Variants in PHACTR4 observed in about 807,000 individuals in gnomAD.
PHACTR4 encodes the protein phosphatase and actin regulator 4.
In PHACTR4, 51 loss-of-function variants were observed where a neutral mutation model predicts 72.7. That is an observed-to-expected ratio of 0.70 (90% CI 0.56 to 0.89). The LOEUF (loss-of-function observed/expected upper bound fraction) is 0.89. Ranked by LOEUF, PHACTR4 falls within the 40% of genes least tolerant of loss-of-function variation. The probability of loss-of-function intolerance (pLI) is 0.00; values close to 1 mark genes in which losing one functional copy is unlikely to be tolerated. For missense variants in PHACTR4, 731 were observed against 861.8 expected (o/e 0.85, Z 1.90); for synonymous variants, 255 against 302.5 (o/e 0.84, Z 1.63).
At chr1:28,396,540 A>G (rs1653515268) in intron 1 of PHACTR4, among the ~76,000 whole-genome samples, 2 of 152,036 alleles carry the variant, frequency 1.3e-5, no homozygotes, top group Admixed American at 1.3e-4. Flanking sequence ...CAAAAAAAAA[A>G]GAAGATAATA....
intron 1 of PHACTR4, among the ~76,000 whole-genome samples, chr1:28,371,139 G>A (rs934483427): frequency 1.3e-5 from 2 of 152,126 alleles, no homozygotes; most frequent in Non-Finnish European, 2.9e-5. Flanking sequence ...AGAGACAAGA[G>A]TCTAGCTTGG....
chr1:28,371,762 A>G (rs1334202526), intron 1 of PHACTR4, among the ~76,000 whole-genome samples: 1 of 151,938 alleles, frequency 6.6e-6, no homozygotes, highest in Non-Finnish European at 1.5e-5. Context: ...GCTAATTAAA[A>G]AAATTTTTAA....
chr1:28,481,830 A>G (rs920687684), intron 9 of PHACTR4, among the ~76,000 whole-genome samples: 9 of 151,812 alleles, frequency 5.9e-5, no homozygotes, highest in African/African-American at 1.9e-4. Context: ...AAAAATATAT[A>G]TTGGACACAG....
chr1:28,382,756 T>TGG (rs1297975088), intron 1 of PHACTR4, among the ~76,000 whole-genome samples: 1 of 152,086 alleles, frequency 6.6e-6, no homozygotes, highest in East Asian at 1.9e-4. Flanking sequence ...TTTTCAATCT[T>TGG]CTGCATACTA....
In PHACTR4 at chr1:28,491,718, G is replaced by A; in HGVS notation, c.1947G>A (p.Glu649=). 1.2e-6 allele frequency: 2 copies of A among 1,614,140 alleles called. No individual in the cohort carries two copies. The highest frequency in any genetic ancestry group is 2.2e-5 in the East Asian group (1 of 44,884). The change falls in exon 12 of 14, where the codon GAG becomes GAA. Residue 649 remains glutamate, a synonymous_variant. Transcript: ENST00000373839. ...TTCTGAGGTTTAATGAATATGTAGA[G>A]GTAACAGATGCTCAAGATTATGACC... The part of the protein sequence containing the change: ...RKILRFNEYV[E]VTDAQDYDRR...
At chr1:28,404,275 CCTTTT>C (rs1430743952) in intron 1 of PHACTR4, among the ~76,000 whole-genome samples, 4 of 123,016 alleles carry the variant, frequency 3.3e-5, no homozygotes, top group African/African-American at 1.3e-4. Context: ...GTATGAACAT[CCTTTT>C]TTTTTTTTTT....
At chr1:28,492,580 G>A (rs1661102464) in intron 12 of PHACTR4, among the ~76,000 whole-genome samples, 2 of 152,100 alleles carry the variant, frequency 1.3e-5, no homozygotes, top group Admixed American at 6.6e-5. Context: ...TGGCCAACAT[G>A]GTGAAACCCT....
intron 12 of PHACTR4, 45 bp downstream of exon 12, chr1:28,491,832 CTCTT>C: frequency 6.3e-7 from 1 of 1,590,128 alleles, no homozygotes. Context: ...TTCTCTTTTT[CTCTT>C]TATTTGGAGG....
At chr1:28,490,926 C>G (rs1326340133) in intron 10 of PHACTR4, 25 bp from the exon 11 acceptor site, 1 of 1,604,450 alleles carries the variant, frequency 6.2e-7, no homozygotes. Flanking sequence ...GAGTAATATT[C>G]CTTCCTTCTG....
rs959341041 is a variant in PHACTR4 at position 28,403,868 on chromosome 1, T to C, written c.-38-3542T>C. Reference sequence around the variant, plus strand: ...TTTGTGATTAGCCTTTCATTTAGTGTGTTTTAAACGTTTATCCATGTTACA... The same window carrying C: ...TTTGTGATTAGCCTTTCATTTAGTGCGTTTTAAACGTTTATCCATGTTACA... On this transcript the variant is annotated intron_variant, in intron 1 of 13. Transcript: ENST00000373839. 2.2e-4 allele frequency among the ~76,000 whole-genome samples: 34 copies of C among 152,328 alleles called. 1 individual carries two copies. Among genetic ancestry groups the C allele is most frequent in the African/African-American group, 7.2e-4 (30 of 41,560 alleles).
intron 6 of PHACTR4, among the ~76,000 whole-genome samples, chr1:28,469,109 C>A (rs186709639): frequency 6.6e-6 from 1 of 152,168 alleles, no homozygotes; most frequent in Non-Finnish European, 1.5e-5. Context: ...AAAGGACTCT[C>A]TTTTATTCTA....
chr1:28,478,401 A>G (rs971852855), intron 8 of PHACTR4, among the ~76,000 whole-genome samples: 1 of 151,984 alleles, frequency 6.6e-6, no homozygotes. Context: ...TTGGATATGT[A>G]CCCAACAGTG....
At chr1:28,388,767 T>C (rs1652774677) in intron 1 of PHACTR4, among the ~76,000 whole-genome samples, 1 of 152,098 alleles carries the variant, frequency 6.6e-6, no homozygotes, top group Non-Finnish European at 1.5e-5. Context: ...GGAGAATCGC[T>C]TGAACCCAGG....
chr1:28,446,372 G>C (rs1031993714), intron 2 of PHACTR4, among the ~76,000 whole-genome samples: 2 of 152,210 alleles, frequency 1.3e-5, no homozygotes, highest in Non-Finnish European at 2.9e-5. Flanking sequence ...AATCCCCAGT[G>C]TTGGAAGTGG....
At chr1:28,378,280 TC>T (rs1443673455) in intron 1 of PHACTR4, among the ~76,000 whole-genome samples, 2 of 142,696 alleles carry the variant, frequency 1.4e-5, no homozygotes, top group African/African-American at 5.3e-5. Context: ...GGCGGGTGGA[TC>T]ACCTGAGGTC....
rs911348676 is a variant in PHACTR4, at chr1:28,497,546, A to G, written c.*997A>G. On this transcript the variant is annotated 3_prime_UTR_variant, in exon 14 of 14. Coordinates refer to ENST00000373839, the MANE Select transcript of PHACTR4 (RefSeq NM_001048183.3). Reference sequence around the variant, plus strand: ...CTCTGTCTTAAAAAAAAAAAAAAAAAAAAAATCGGTTAGATGAGAAAGCAT... The same window carrying G: ...CTCTGTCTTAAAAAAAAAAAAAAAAGAAAAATCGGTTAGATGAGAAAGCAT... 8 of 151,514 alleles carry G rather than the reference A, an allele frequency of 5.3e-5. No individual in the cohort carries two copies. The highest frequency in any genetic ancestry group is 1.9e-4 in the African/African-American group (8 of 41,244). The allele number at this position is 151,514 out of a possible 1,614,324, so 9.4% of individuals were successfully genotyped here.
rs1396582930 is a variant in PHACTR4, at chr1:28,375,040, T to C, written c.-39+5215T>C. On this transcript the variant is annotated intron_variant, in intron 1 of 13. Transcript: ENST00000373839. Reference sequence around the variant, plus strand: ...GAGGCCCAGCACGGTGGCTCACGCCTGTAATCCCAGCACTCTGGGAGGCCA... The same window carrying C: ...GAGGCCCAGCACGGTGGCTCACGCCCGTAATCCCAGCACTCTGGGAGGCCA... 2.0e-5 allele frequency among the ~76,000 whole-genome samples: 3 copies of C among 152,246 alleles called. No homozygotes were observed. In the East Asian group the frequency reaches 5.8e-4, roughly 29 times the overall value.
At position 28,436,310 on chromosome 1, in the gene PHACTR4, G is replaced by A. The variant is rs545144580; in HGVS notation, c.17-22775G>A. ...TAGAGACAGGGCTCACTGTGTTGCC[G>A]AGGCTGGACTCAAACTCTTGGTGTC... On this transcript the variant is annotated intron_variant, in intron 2 of 13. Coordinates refer to ENST00000373839, the MANE Select transcript of PHACTR4 (RefSeq NM_001048183.3). 8.6e-5 allele frequency among the ~76,000 whole-genome samples: 13 copies of A among 151,526 alleles called. 1 individual carries two copies. The South Asian group carries it at 2.3e-3, about 27-fold the overall frequency.
At chr1:28,460,485 T>G (rs1200091844) in intron 4 of PHACTR4, among the ~76,000 whole-genome samples, 193 bp downstream of exon 4, 1 of 152,136 alleles carries the variant, frequency 6.6e-6, no homozygotes, top group Non-Finnish European at 1.5e-5. Flanking sequence ...TCCTCAACTT[T>G]GTGCCAGCTA....
Sources: gnomAD v4.1 joint callset for allele counts (sites outside exome capture counted in the v4.1 genomes callset) on GRCh38, gnomAD v4.1.1 for gene constraint, MANE v1.5 for transcripts, NCBI Gene and HGNC (gene_info 2026-07-23, HGNC 2026-07-21) for gene names.